The following SP110 variants were observed in gnomAD, a reference collection of about 807,000 sequenced individuals.
The protein encoded by SP110 is interferon-induced protein 41, 30kD.
A neutral mutation model predicts 92.7 loss-of-function variants in SP110; 62 were observed. That is an observed-to-expected ratio of 0.67 (90% CI 0.55 to 0.83). SP110 has a LOEUF of 0.83. Ranked by LOEUF, SP110 falls within the 40% of genes least tolerant of loss-of-function variation. SP110 has a pLI of 0.00. For missense variants in SP110, 793 were observed against 863.9 expected (o/e 0.92, Z 1.03); for synonymous variants, 273 against 305.3 (o/e 0.89, Z 1.10).
intron 12 of SP110, among the ~76,000 whole-genome samples, chr2:230,179,208 T>C (rs1382301168): frequency 2.0e-5 from 3 of 152,094 alleles, no homozygotes; most frequent in Non-Finnish European, 4.4e-5. Flanking sequence ...ACAAGGCAGA[T>C]AGAGTGAGAC....
chr2:230,178,014 G>A, intron 13 of SP110, 143 bp downstream of exon 13: 3 of 708,926 alleles, frequency 4.2e-6, no homozygotes, highest in Non-Finnish European at 7.7e-6. Flanking sequence ...GAAGAGTTTG[G>A]AAATTCCTTC....
rs1242949469 is a variant in SP110, at chr2:230,183,610, C to T, written c.1310G>A (p.Ser437Asn). 4.4e-6 allele frequency: 7 copies of T among 1,604,292 alleles called. No individual in the cohort carries two copies. The highest frequency in any genetic ancestry group is 5.1e-6 in the Non-Finnish European group (6 of 1,170,980). Residue 437 changes from serine (S) to asparagine (N), a missense_variant, in exon 12 of 19, where the codon AGC becomes AAC. By Grantham distance (46) the Ser-to-Asn change is conservative. Coordinates refer to ENST00000258381, the MANE Select transcript of SP110 (RefSeq NM_080424.4). ...EKKKEKDICS[S>N]SKRRFQKNIH... ...ATTTTTCTGAAATCTCCTTTTTGAGCTTGAACAGATATCTTTCTCCTTTTT... is the reference window on the plus strand; with the variant it reads ...ATTTTTCTGAAATCTCCTTTTTGAGTTTGAACAGATATCTTTCTCCTTTTT...
chr2:230,192,258 C>T (rs1005106239), intron 10 of SP110, among the ~76,000 whole-genome samples: 1 of 151,360 alleles, frequency 6.6e-6, no homozygotes, highest in Non-Finnish European at 1.5e-5. Context: ...CATTCCTATT[C>T]AACATAGTAT....
chr2:230,192,104 T>C (rs1310529636), intron 10 of SP110, among the ~76,000 whole-genome samples: 1 of 152,160 alleles, frequency 6.6e-6, no homozygotes, highest in Admixed American at 6.5e-5. Context: ...TTAAAAACTC[T>C]CAATAAACTA....
Position 230,203,643 on chromosome 2 carries a change from C to T in SP110, c.899-915G>A, listed in dbSNP as rs969435915. On this transcript the variant is annotated intron_variant, in intron 8 of 18. Coordinates refer to ENST00000258381, the MANE Select transcript of SP110 (RefSeq NM_080424.4). ...AGTTTAGGGTTTTTTTTCTGCATAA[C>T]TAAAGGAGGGTTTCGGAGATGAGAA... The T allele has an allele frequency of 3.3e-5, 5 of 152,068 alleles. No individual in the cohort carries two copies. The East Asian group carries it at 9.6e-4, about 29-fold the overall frequency. 9.4% of individuals were successfully genotyped at this position (152,068 alleles called of 1,614,324 possible). A position where few individuals can be genotyped will look rare whatever the true frequency, so the allele number is the denominator to read the frequency against.
Position 230,202,595 on chromosome 2 carries a change from T to G in SP110, c.1032A>C (p.Arg344=), listed in dbSNP as rs370278137. ...CAGCCTTACCCTCTGATCTCGACTT[T>G]CGGGCACATTCAGTTCTCGCCTTTT... ...RAQKARTECA[R]KSRSEEIIDG... Residue 344 remains arginine (R), a synonymous_variant, in exon 9 of 19, where the codon CGA becomes CGC. Coordinates refer to ENST00000258381, the MANE Select transcript of SP110 (RefSeq NM_080424.4). 1.9e-6 allele frequency: 3 copies of G among 1,614,108 alleles called. No homozygotes were observed. Among genetic ancestry groups the G allele is most frequent in the Non-Finnish European group, 2.5e-6 (3 of 1,180,034 alleles).
At chr2:230,217,546 T>G (rs1386179752) in intron 1 of SP110, among the ~76,000 whole-genome samples, 1 of 152,240 alleles carries the variant, frequency 6.6e-6, no homozygotes, top group Non-Finnish European at 1.5e-5. Flanking sequence ...CCAGACTTTG[T>G]TCTAAGGGTT....
intron 10 of SP110, among the ~76,000 whole-genome samples, chr2:230,198,164 T>C (rs887318168): frequency 7.1e-6 from 1 of 140,318 alleles, no homozygotes; most frequent in Non-Finnish European, 1.5e-5. Context: ...CTGTCCTCTA[T>C]GTGGTAGGTC....
intron 14 of SP110, chr2:230,176,831 G>A (rs1420650385): frequency 2.5e-6 from 3 of 1,201,866 alleles, no homozygotes; most frequent in East Asian, 2.4e-5. Flanking sequence ...ACATCACACT[G>A]GATCTCAAAC....
intron 10 of SP110, among the ~76,000 whole-genome samples, chr2:230,200,042 GAAAAT>G (rs1330152140): frequency 2.6e-5 from 4 of 152,042 alleles, no homozygotes; most frequent in Non-Finnish European, 5.9e-5. Context: ...GGGTGGTTGT[GAAAAT>G]AAAATAAAAT....
At chr2:230,210,683 G>T (rs1192000764) in intron 6 of SP110, among the ~76,000 whole-genome samples, 2 of 152,198 alleles carry the variant, frequency 1.3e-5, no homozygotes, top group Non-Finnish European at 2.9e-5. Flanking sequence ...GAAAGACAGA[G>T]AACTTGAAGC....
intron 8 of SP110, among the ~76,000 whole-genome samples, chr2:230,204,289 C>A (rs951459086): frequency 1.3e-5 from 2 of 152,268 alleles, no homozygotes; most frequent in South Asian, 4.1e-4. Flanking sequence ...AGGGAGTGTT[C>A]ATAATTGTAT....
At chr2:230,176,276 C>T (rs1485350047) in intron 14 of SP110, among the ~76,000 whole-genome samples, 2 of 152,066 alleles carry the variant, frequency 1.3e-5, no homozygotes, top group Admixed American at 6.5e-5. Flanking sequence ...GTCTTGAACT[C>T]CTGGGCTCAA....
intron 12 of SP110, among the ~76,000 whole-genome samples, chr2:230,182,563 T>C (rs11892552): frequency 6.6e-6 from 1 of 151,974 alleles, no homozygotes; most frequent in Non-Finnish European, 1.5e-5. Context: ...GGGAGGCCCA[T>C]GTGAGGAGGC....
At chr2:230,197,202 CTGT>C in intron 10 of SP110, among the ~76,000 whole-genome samples, 1 of 151,192 alleles carries the variant, frequency 6.6e-6, no homozygotes, top group South Asian at 2.1e-4. Context: ...TCTCCAGCAC[CTGT>C]TGTTTCCTGA....
chr2:230,175,945 C>CTTTTTTTTTTT (rs34906767), intron 14 of SP110, among the ~76,000 whole-genome samples: 20,101 of 128,588 alleles, frequency 0.16, 2,434 homozygotes, highest in Non-Finnish European at 0.22. Context: ...CTGCAGCATT[C>CTTTTTTTTTTT]TTTTTTTTTT....
In SP110 at chr2:230,215,133, T is replaced by G; in HGVS notation, c.148-15A>C. ...TCCAGAGATTCCTATAAAAATGGAG[T>G]GAAGGTTTTTATAAATGACTATAAA... On this transcript the variant is annotated splice_polypyrimidine_tract_variant and intron_variant, in intron 2 of 18. Coordinates refer to ENST00000258381, the MANE Select transcript of SP110 (RefSeq NM_080424.4). 6.2e-7 allele frequency: 1 copy of G among 1,605,318 alleles called. No individual in the cohort carries two copies. The highest frequency in any genetic ancestry group is 8.5e-7 in the Non-Finnish European group (1 of 1,172,350).
At chr2:230,205,369 T>C (rs1232120762) in intron 8 of SP110, among the ~76,000 whole-genome samples, 1 of 152,212 alleles carries the variant, frequency 6.6e-6, no homozygotes, top group Non-Finnish European at 1.5e-5. Context: ...TCAGGTTCTT[T>C]GCACTTTTGA....
rs1383036235 is a variant in SP110 at position 230,165,814 on chromosome 2, GA to G, written c.*3309del. Among the ~76,000 whole-genome samples, 3 of 144,676 alleles carry G rather than the reference GA, an allele frequency of 2.1e-5. No individual in the cohort carries two copies. The highest frequency in any genetic ancestry group is 3.0e-5 in the Non-Finnish European group (2 of 65,594). 94.9% of individuals were successfully genotyped at this position (144,676 alleles called of 152,430 possible). Reference sequence around the variant, plus strand: ...ATGCCTTCCAAAATAGAAGGCAGAAGAAAAAAAATAGACAAAAATAACATTA... The same window carrying G: ...ATGCCTTCCAAAATAGAAGGCAGAAGAAAAAAATAGACAAAAATAACATTA... On this transcript the variant is annotated 3_prime_UTR_variant, in exon 19 of 19. Coordinates refer to ENST00000258381, the MANE Select transcript of SP110 (RefSeq NM_080424.4).
Sources: gnomAD v4.1 joint callset for allele counts (sites outside exome capture counted in the v4.1 genomes callset) on GRCh38, gnomAD v4.1.1 for gene constraint, MANE v1.5 for transcripts, NCBI Gene and HGNC (gene_info 2026-07-23, HGNC 2026-07-21) for gene names.